SMIM31: variants seen among roughly 807,000 people sequenced by gnomAD.
SMIM31 encodes human epithelial cell program regulator.
chr4:164,756,889 G>A (rs1295221139), intron 1 of SMIM31, among the ~76,000 whole-genome samples: 1 of 152,176 alleles, frequency 6.6e-6, no homozygotes, highest in Non-Finnish European at 1.5e-5. Flanking sequence ...CCTGCTATGG[G>A]AGATAAGTGT....
At chr4:164,756,789 G>C (rs946317624) in intron 1 of SMIM31, among the ~76,000 whole-genome samples, 2 of 151,994 alleles carry the variant, frequency 1.3e-5, no homozygotes, top group Non-Finnish European at 2.9e-5. Context: ...TGTTGAGTAG[G>C]ATTCCATTAT....
intron 2 of SMIM31, among the ~76,000 whole-genome samples, chr4:164,792,217 T>C (rs749406790): frequency 2.6e-4 from 40 of 152,340 alleles, no homozygotes; most frequent in Middle Eastern, 3.4e-3. Context: ...AGCAACATTT[T>C]AGATTATCAT....
intron 2 of SMIM31, among the ~76,000 whole-genome samples, chr4:164,784,752 T>C (rs993034430): frequency 1.3e-5 from 2 of 152,176 alleles, no homozygotes; most frequent in African/African-American, 2.4e-5. Context: ...AGTTGTGCCA[T>C]AGCTGGGCTC....
intron 2 of SMIM31, among the ~76,000 whole-genome samples, chr4:164,771,721 A>G (rs1044947617): frequency 6.6e-6 from 1 of 152,170 alleles, no homozygotes; most frequent in East Asian, 1.9e-4. Context: ...AGGCAGGAGA[A>G]TCAGTTGAAC....
intron 2 of SMIM31, among the ~76,000 whole-genome samples, chr4:164,794,997 T>C (rs1478363363): frequency 6.6e-6 from 1 of 152,044 alleles, no homozygotes; most frequent in Non-Finnish European, 1.5e-5. Flanking sequence ...AGAATAACTT[T>C]CACTTCTTAC....
At chr4:164,783,630 C>G (rs1165783603) in intron 2 of SMIM31, among the ~76,000 whole-genome samples, 3 of 150,772 alleles carry the variant, frequency 2.0e-5, no homozygotes, top group Non-Finnish European at 4.4e-5. Flanking sequence ...AACATGTGAT[C>G]CATAAACTGG....
At chr4:164,775,622 G>A (rs1382898049) in intron 2 of SMIM31, among the ~76,000 whole-genome samples, 13 of 152,140 alleles carry the variant, frequency 8.5e-5, no homozygotes, top group Non-Finnish European at 1.6e-4. Context: ...CTGCTTACTT[G>A]TGCGCACACG....
intron 1 of SMIM31, among the ~76,000 whole-genome samples, chr4:164,757,444 TG>T (rs1732579566): frequency 6.6e-6 from 1 of 152,190 alleles, no homozygotes; most frequent in African/African-American, 2.4e-5. Flanking sequence ...TACAAATTTT[TG>T]TTTGGCTATT....
chr4:164,771,643 T>C (rs971430398), intron 2 of SMIM31, among the ~76,000 whole-genome samples: 2 of 140,888 alleles, frequency 1.4e-5, no homozygotes, highest in African/African-American at 5.3e-5. Flanking sequence ...CTACTAAAAA[T>C]ACAAAAAAAA....
At chr4:164,768,851 G>C (rs1732756297) in intron 1 of SMIM31, among the ~76,000 whole-genome samples, 1 of 152,192 alleles carries the variant, frequency 6.6e-6, no homozygotes, top group Non-Finnish European at 1.5e-5. Flanking sequence ...CTCTGAAGAA[G>C]CAGAAGCTTG....
intron 2 of SMIM31, among the ~76,000 whole-genome samples, chr4:164,782,879 C>G (rs1040609523): frequency 6.6e-6 from 1 of 151,896 alleles, no homozygotes; most frequent in Non-Finnish European, 1.5e-5. Context: ...GTAATTATTT[C>G]AAAAAACTGA....
intron 2 of SMIM31, among the ~76,000 whole-genome samples, chr4:164,785,775 CAT>C (rs58289885): frequency 0.043 from 6,458 of 151,440 alleles, 427 homozygotes; most frequent in African/African-American, 0.15. Context: ...CACATATATA[CAT>C]ATATCTTTAA....
intron 2 of SMIM31, among the ~76,000 whole-genome samples, chr4:164,786,300 C>T (rs369023769): frequency 2.1e-4 from 32 of 152,200 alleles, no homozygotes; most frequent in African/African-American, 7.7e-4. Flanking sequence ...TTAAACTACC[C>T]TAGCAGCTAC....
rs1388919888 is a variant in SMIM31 at position 164,802,782 on chromosome 4, A to G, written c.*1588A>G. ...CTTTCTGCCATACAGAGATAGGCAT[A>G]CTAGTGTAAACAGAATGCTTACAAA... On this transcript the variant is annotated 3_prime_UTR_variant, in exon 3 of 3. Coordinates refer to ENST00000507311, the MANE Select transcript of SMIM31 (RefSeq NM_001352885.1). 6.6e-6 allele frequency: 1 copy of G among 152,250 alleles called. No individual in the cohort carries two copies. Among genetic ancestry groups the G allele is most frequent in the African/African-American group, 2.4e-5 (1 of 41,452 alleles). The allele number at this position is 152,250 out of a possible 1,614,324, so 9.4% of individuals were successfully genotyped here.
At chr4:164,757,986 T>C (rs1222464800) in intron 1 of SMIM31, among the ~76,000 whole-genome samples, 2 of 152,116 alleles carry the variant, frequency 1.3e-5, no homozygotes, top group Admixed American at 1.3e-4. Flanking sequence ...GATTTATAGG[T>C]TAATCTGGGA....
At chr4:164,758,226 C>G (rs760069113) in intron 1 of SMIM31, among the ~76,000 whole-genome samples, 3 of 151,962 alleles carry the variant, frequency 2.0e-5, no homozygotes, top group African/African-American at 7.3e-5. Context: ...TCAATATTGA[C>G]TTTGTATCCT....
chr4:164,786,525 C>T (rs4692009), intron 2 of SMIM31, among the ~76,000 whole-genome samples: 15,695 of 152,188 alleles, frequency 0.1, 1,660 homozygotes, highest in East Asian at 0.43. Context: ...AATATTTGCT[C>T]ACTTTTGAAA....
At chr4:164,767,734 T>C (rs913635400) in intron 1 of SMIM31, among the ~76,000 whole-genome samples, 1 of 152,206 alleles carries the variant, frequency 6.6e-6, no homozygotes, top group Non-Finnish European at 1.5e-5. Context: ...GGCATAGTTG[T>C]GGAGAGCTCC....
chr4:164,790,027 T>A, intron 2 of SMIM31, among the ~76,000 whole-genome samples: 1 of 152,200 alleles, frequency 6.6e-6, no homozygotes, highest in South Asian at 2.1e-4. Context: ...TTTCCTTTCT[T>A]CAGGTTATGC....
Sources: gnomAD v4.1 joint callset for allele counts (sites outside exome capture counted in the v4.1 genomes callset) on GRCh38, gnomAD v4.1.1 for gene constraint, MANE v1.5 for transcripts, NCBI Gene and HGNC (gene_info 2026-07-23, HGNC 2026-07-21) for gene names.